RIPOR3: variants seen among roughly 807,000 people sequenced by gnomAD.
RIPOR3 encodes the protein family with sequence similarity 65 member C.
Under a neutral mutation model 114.3 loss-of-function variants are expected in RIPOR3, and 95 were observed. The ratio of observed to expected loss-of-function variants is 0.83; its 90% CI spans 0.70 to 0.99. RIPOR3 has a LOEUF of 0.99. RIPOR3 is among the 50% of genes least tolerant of loss of function. The pLI is 0.00. For missense variants in RIPOR3, 1,252 were observed against 1,266.9 expected (o/e 0.99, Z 0.18); for synonymous variants, 575 against 543.8 (o/e 1.06, Z -0.80).
chr20:50,603,126 G>T (rs1257700980), intron 12 of RIPOR3, among the ~76,000 whole-genome samples: 1 of 152,246 alleles, frequency 6.6e-6, no homozygotes, highest in Admixed American at 6.5e-5. Context: ...TGCCCCTGGG[G>T]CTGGCTGTGC....
intron 1 of RIPOR3, among the ~76,000 whole-genome samples, chr20:50,647,595 G>T (rs894773391): frequency 6.8e-6 from 1 of 146,246 alleles, no homozygotes; most frequent in Admixed American, 7.2e-5. Context: ...CCATTCTCCT[G>T]CCTCAGCCTC....
chr20:50,691,284 G>C lies in RIPOR3; in HGVS notation c.-156C>G. 1.1e-6 allele frequency: 1 copy of C among 930,758 alleles called. No individual in the cohort carries two copies. Among genetic ancestry groups the C allele is most frequent in the Admixed American group, 2.5e-5 (1 of 39,758 alleles). 57.7% of individuals were successfully genotyped at this position (930,758 alleles called of 1,614,324 possible). A position where few individuals can be genotyped will look rare whatever the true frequency, so the allele number is the denominator to read the frequency against. ...ATTCCATCCACACTGGCCACCAGCC[G>C]CTGGTCCCGCTCTCTGGGAAGATCG... On this transcript the variant is annotated 5_prime_UTR_variant, in exon 1 of 22. Coordinates refer to ENST00000327979, the MANE Select transcript of RIPOR3 (RefSeq NM_001290268.2).
At chr20:50,595,125 C>T (rs1424305089) in intron 16 of RIPOR3, 39 of 562,056 alleles carry the variant, frequency 6.9e-5, no homozygotes, top group Non-Finnish European at 1.2e-4. Flanking sequence ...GAAGCAGAGG[C>T]TCAGAGATGT....
At chr20:50,683,753 G>A (rs2086932192) in intron 1 of RIPOR3, among the ~76,000 whole-genome samples, 1 of 151,652 alleles carries the variant, frequency 6.6e-6, no homozygotes, top group Non-Finnish European at 1.5e-5. Flanking sequence ...CACCACACCT[G>A]GTCAATTCTA....
At chr20:50,689,176 T>C (rs1234767658) in intron 1 of RIPOR3, among the ~76,000 whole-genome samples, 2 of 107,934 alleles carry the variant, frequency 1.9e-5, no homozygotes, top group Non-Finnish European at 4.0e-5. Flanking sequence ...AAACTTCTTT[T>C]TTTTTTTTTT....
chr20:50,628,297 C>T (rs1342527383), intron 2 of RIPOR3, among the ~76,000 whole-genome samples: 2 of 152,098 alleles, frequency 1.3e-5, no homozygotes, highest in Admixed American at 6.5e-5. Flanking sequence ...CTTGGGGCAT[C>T]AACTTAAACC....
chr20:50,603,573 A>T (rs1348973641), intron 12 of RIPOR3, among the ~76,000 whole-genome samples: 2 of 152,202 alleles, frequency 1.3e-5, no homozygotes, highest in African/African-American at 4.8e-5. Context: ...GAATGAATGA[A>T]GGGCCTGACA....
intron 2 of RIPOR3, among the ~76,000 whole-genome samples, chr20:50,629,723 C>A (rs535106468): frequency 1.3e-5 from 2 of 152,122 alleles, no homozygotes; most frequent in Non-Finnish European, 2.9e-5. Context: ...CCGACAGCCC[C>A]GTGAGCAGGG....
chr20:50,637,106 C>T (rs6126053), intron 1 of RIPOR3, among the ~76,000 whole-genome samples: 2,958 of 152,280 alleles, frequency 0.019, 74 homozygotes, highest in East Asian at 0.12. Flanking sequence ...CTCTGGGAAC[C>T]AGTTCGCCTG....
intron 1 of RIPOR3, among the ~76,000 whole-genome samples, chr20:50,646,067 A>C (rs958777677): frequency 1.8e-4 from 27 of 152,296 alleles, no homozygotes; most frequent in Admixed American, 1.2e-3. Context: ...CAGAAAAGTC[A>C]GATTTTTTTT....
intron 4 of RIPOR3, among the ~76,000 whole-genome samples, chr20:50,613,477 GAAAT>G (rs949904316): frequency 4.0e-5 from 6 of 151,646 alleles, no homozygotes; most frequent in Non-Finnish European, 7.4e-5. Context: ...GAAAAGAAAA[GAAAT>G]AAATAAAGAA....
At chr20:50,590,383 C>T (rs748676199) in intron 19 of RIPOR3, among the ~76,000 whole-genome samples, 5 of 152,216 alleles carry the variant, frequency 3.3e-5, no homozygotes, top group African/African-American at 7.2e-5. Context: ...CCAGCGTCTG[C>T]GGCTGCAAAG....
intron 2 of RIPOR3, among the ~76,000 whole-genome samples, chr20:50,623,022 G>A (rs1050678165): frequency 2.0e-5 from 3 of 151,978 alleles, no homozygotes; most frequent in South Asian, 2.1e-4. Flanking sequence ...CCAGCACTTC[G>A]GGAGGCCAAG....
At chr20:50,670,426 T>G (rs760209637) in intron 1 of RIPOR3, among the ~76,000 whole-genome samples, 18 of 123,586 alleles carry the variant, frequency 1.5e-4, no homozygotes, top group Non-Finnish European at 2.3e-4. Flanking sequence ...AGAAGGAAAT[T>G]TGAGACCAAG....
intron 1 of RIPOR3, among the ~76,000 whole-genome samples, chr20:50,663,441 A>G (rs1053878911): frequency 3.3e-5 from 5 of 152,140 alleles, no homozygotes; most frequent in Non-Finnish European, 7.3e-5. Context: ...CACCTCTCCA[A>G]GCGCCCCAGT....
chr20:50,592,935 G>A lies in RIPOR3; in HGVS notation c.2374+100C>T, dbSNP rs1024913322. ...GGGGTTCCCAAAAGAACAGTTGGCG[G>A]GGATGGATGTAGTGGTTCTGAATTA... On this transcript the variant is annotated intron_variant, in intron 18 of 21. Transcript: ENST00000327979. The A allele has an allele frequency of 5.6e-6, 8 of 1,422,176 alleles. No individual in the cohort carries two copies. In the Admixed American group the frequency reaches 5.8e-5, roughly 10 times the overall value. The allele number at this position is 1,422,176 out of a possible 1,614,324, so 88.1% of individuals were successfully genotyped here.
intron 1 of RIPOR3, among the ~76,000 whole-genome samples, chr20:50,643,650 C>G (rs1462358887): frequency 6.6e-6 from 1 of 151,574 alleles, no homozygotes; most frequent in Non-Finnish European, 1.5e-5. Context: ...ATTAGCTGAG[C>G]ATGGTGGTAT....
chr20:50,660,840 G>A (rs970202930), intron 1 of RIPOR3, among the ~76,000 whole-genome samples: 2 of 138,958 alleles, frequency 1.4e-5, no homozygotes, highest in Non-Finnish European at 3.0e-5. Context: ...CTGTAGGCTC[G>A]ACCTCCTGGG....
At chr20:50,607,854 G>A (rs946310789) in intron 11 of RIPOR3, among the ~76,000 whole-genome samples, 2 of 152,194 alleles carry the variant, frequency 1.3e-5, no homozygotes, top group African/African-American at 4.8e-5. Flanking sequence ...CTGCGCTGAG[G>A]AGGAGGAAAG....
Sources: gnomAD v4.1 joint callset for allele counts (sites outside exome capture counted in the v4.1 genomes callset) on GRCh38, gnomAD v4.1.1 for gene constraint, MANE v1.5 for transcripts, NCBI Gene and HGNC (gene_info 2026-07-23, HGNC 2026-07-21) for gene names.